NUP153: variants seen among roughly 807,000 people sequenced by gnomAD.
NUP153 encodes the protein nucleoporin 153, also known as nuclear pore complex protein Nup153.
NUP153 carries 27 observed loss-of-function variants against 134.6 expected under a neutral mutation model. The ratio of observed to expected loss-of-function variants is 0.20; its 90% CI spans 0.15 to 0.28. The LOEUF is 0.28. Among genes scored for constraint, NUP153 ranks in the 10% least tolerant of loss-of-function variants. The pLI is 1.00. For missense variants in NUP153, 1,821 were observed against 1,731.3 expected, an observed-to-expected ratio of 1.05 and a Z score of -0.92; for synonymous variants, 640 against 623.5, an observed-to-expected ratio of 1.03 and a Z score of -0.40.
In NUP153 at chr6:17,706,273, A is replaced by G; in HGVS notation, c.111+4T>C. ...CAGGCCACCGCGGCGTCGGGGTCCC[A>G]TACCTGATGCTGTTGTCGCCCCTGC... On this transcript the variant is annotated splice_donor_region_variant and intron_variant, in intron 1 of 21. Coordinates refer to ENST00000262077, the MANE Select transcript of NUP153 (RefSeq NM_005124.4). This position sits in a 1 kb window ranked among gnomAD's most constrained non-coding sequence, Gnocchi z 5.9. 2 of 1,610,262 alleles carry G rather than the reference A, an allele frequency of 1.2e-6. No homozygotes were observed. Among genetic ancestry groups the G allele is most frequent in the Non-Finnish European group, 8.5e-7 (1 of 1,176,834 alleles).
chr6:17,623,997 C>T (rs555782671), intron 20 of NUP153, among the ~76,000 whole-genome samples: 317 of 152,150 alleles, frequency 2.1e-3, no homozygotes, highest in South Asian at 5.0e-3. Context: ...TTACACTGTT[C>T]ACTTATATTT....
At chr6:17,646,917 T>C (rs945354247) in intron 13 of NUP153, among the ~76,000 whole-genome samples, 11 of 99,332 alleles carry the variant, frequency 1.1e-4, no homozygotes, top group Non-Finnish European at 1.7e-4. Context: ...TTCTGTATTT[T>C]CTTTTTTTTT....
chr6:17,661,748 C>G lies in NUP153; in HGVS notation c.1300G>C (p.Ala434Pro). 1.2e-6 allele frequency: 2 copies of G among 1,612,450 alleles called. No individual in the cohort carries two copies. Among genetic ancestry groups the G allele is most frequent in the Non-Finnish European group, 1.7e-6 (2 of 1,179,544 alleles). The change falls in exon 11 of 22, where the codon GCA (alanine) becomes CCA (proline). Residue 434 changes from alanine to proline, a missense_variant. By Grantham distance (27) the Ala-to-Pro change is conservative (BLOSUM62 -1). Coordinates refer to ENST00000262077, the MANE Select transcript of NUP153 (RefSeq NM_005124.4). ...ACTCCAGAAGATAAACCATTGGCTGCAGGCAAACTGAAATTTGGATATGAA... is the reference window on the plus strand; with the variant it reads ...ACTCCAGAAGATAAACCATTGGCTGGAGGCAAACTGAAATTTGGATATGAA... ...GFSYPNFSLPAANGLSSGVGG... is the reference protein window; with the variant it reads ...GFSYPNFSLPPANGLSSGVGG...
intron 11 of NUP153, among the ~76,000 whole-genome samples, chr6:17,659,713 C>T (rs768442132): frequency 1.1e-4 from 17 of 152,124 alleles, no homozygotes; most frequent in East Asian, 1.9e-4. Context: ...CCTCGTGATC[C>T]GCCCGCCTTG....
intron 2 of NUP153, among the ~76,000 whole-genome samples, chr6:17,684,071 G>A (rs1357151172): frequency 2.6e-5 from 4 of 152,080 alleles, no homozygotes; most frequent in Admixed American, 2.6e-4. Context: ...TGACTGATAT[G>A]CCTGCTCCCA....
chr6:17,644,789 A>C (rs1488471900), intron 14 of NUP153, among the ~76,000 whole-genome samples: 1 of 152,064 alleles, frequency 6.6e-6, no homozygotes, highest in Admixed American at 6.6e-5. Flanking sequence ...CTAAAAATAC[A>C]AAAAATTAGC....
intron 1 of NUP153, among the ~76,000 whole-genome samples, chr6:17,703,982 T>C (rs939069911): frequency 2.6e-5 from 4 of 152,190 alleles, no homozygotes; most frequent in African/African-American, 9.7e-5. Context: ...ATTTTTATTT[T>C]ATCTAAGTAC....
intron 1 of NUP153, among the ~76,000 whole-genome samples, chr6:17,704,655 G>GA (rs1311013302): frequency 1.3e-5 from 2 of 148,832 alleles, no homozygotes; most frequent in Non-Finnish European, 3.0e-5. Flanking sequence ...GAGAACGACT[G>GA]AAAATACCTG....
chr6:17,686,894 C>T (rs1418333985), intron 2 of NUP153, among the ~76,000 whole-genome samples: 30 of 940 alleles, frequency 0.032, 2 homozygotes, highest in Middle Eastern at 0.5. Flanking sequence ...GGGCGGGCGG[C>T]GGGGGAGGGG....
At position 17,661,832 on chromosome 6, in the gene NUP153, C is replaced by G. The variant is rs369756431; in HGVS notation, c.1269-53G>C. On this transcript the variant is annotated intron_variant, in intron 10 of 21. Transcript: ENST00000262077. ...ACTGATATATTATTGTGGTCCATAA[C>G]TTGTTAACTAGAACTGCTAACAAGT... 154 of 1,537,196 alleles carry G rather than the reference C, an allele frequency of 1.0e-4. No individual in the cohort carries two copies. In the African/African-American group the frequency reaches 2.0e-3, roughly 20 times the overall value.
intron 8 of NUP153, 103 bp from the exon 9 acceptor site, chr6:17,665,488 TC>T: frequency 1.1e-6 from 1 of 871,644 alleles, no homozygotes; most frequent in Non-Finnish European, 1.8e-6. Context: ...CATGAGTATT[TC>T]CCAGAGAAAT....
intron 1 of NUP153, among the ~76,000 whole-genome samples, chr6:17,697,902 T>A (rs1769768836): frequency 6.6e-6 from 1 of 152,230 alleles, no homozygotes; most frequent in Non-Finnish European, 1.5e-5. Context: ...ACCAGAGGCA[T>A]CTTTTCAGTA....
At chr6:17,621,176 C>A (rs773214724) in intron 20 of NUP153, among the ~76,000 whole-genome samples, 44 of 152,174 alleles carry the variant, frequency 2.9e-4, no homozygotes, top group South Asian at 1.9e-3. Context: ...TAGCATTTCA[C>A]CTCTTAGAAT....
At position 17,637,674 on chromosome 6, in the gene NUP153, C is replaced by A; in HGVS notation, c.1943G>T (p.Ser648Ile). 6.2e-7 allele frequency: 1 copy of A among 1,613,226 alleles called. No individual in the cohort carries two copies. Among genetic ancestry groups the A allele is most frequent in the Non-Finnish European group, 8.5e-7 (1 of 1,180,032 alleles). The change falls in exon 16 of 22, where the codon AGT becomes ATT. Residue 648 changes from serine (S) to isoleucine (I), a missense_variant. Physicochemically the swap from Ser to Ile is moderately radical, Grantham distance 142 (BLOSUM62 -2). Coordinates refer to ENST00000262077, the MANE Select transcript of NUP153 (RefSeq NM_005124.4). The stretch of plus-strand genomic sequence containing the variant: ...TAAACTCTCCCCAAACCCAATTCCA[C>A]TAGAAGAAAAGCTACTTATTGCTGG... ...TRPAISSFSS[S>I]GIGFGESLKA...
chr6:17,629,729 T>C (rs553507202), intron 17 of NUP153, among the ~76,000 whole-genome samples, 190 bp from the exon 18 acceptor site: 1 of 152,340 alleles, frequency 6.6e-6, no homozygotes, highest in East Asian at 1.9e-4. Context: ...GATATCTCAA[T>C]CCTCACAACT....
At chr6:17,660,537 C>A (rs1767114223) in intron 11 of NUP153, among the ~76,000 whole-genome samples, 1 of 151,518 alleles carries the variant, frequency 6.6e-6, no homozygotes, top group African/African-American at 2.4e-5. Flanking sequence ...AGAACTCTTT[C>A]TAATAATAAA....
chr6:17,671,276 C>CT (rs1237908164), intron 5 of NUP153, among the ~76,000 whole-genome samples: 1 of 151,956 alleles, frequency 6.6e-6, no homozygotes, highest in Non-Finnish European at 1.5e-5. Context: ...CTTCTAATGT[C>CT]TTTGTCTGAT....
At position 17,675,386 on chromosome 6, in the gene NUP153, A is replaced by G. The variant is rs760032451; in HGVS notation, c.584-18T>C. 3 of 1,610,264 alleles carry G rather than the reference A, an allele frequency of 1.9e-6. No individual in the cohort carries two copies. ...AGTTATATCTGAAACAAAATTACATAATCCATAGTAATAACACCAATACAA... is the reference window on the plus strand; with the variant it reads ...AGTTATATCTGAAACAAAATTACATGATCCATAGTAATAACACCAATACAA... On this transcript the variant is annotated intron_variant, in intron 3 of 21. Coordinates refer to ENST00000262077, the MANE Select transcript of NUP153 (RefSeq NM_005124.4). The surrounding 1 kb of genome is among the most constrained non-coding windows in gnomAD (Gnocchi z 4.4).
At chr6:17,655,471 T>A (rs992258501) in intron 11 of NUP153, among the ~76,000 whole-genome samples, 6 of 151,008 alleles carry the variant, frequency 4.0e-5, no homozygotes, top group Non-Finnish European at 8.9e-5. Context: ...TTTTTTTTTT[T>A]AAGACAAAGT....
Sources: gnomAD v4.1 joint callset for allele counts (sites outside exome capture counted in the v4.1 genomes callset) on GRCh38, gnomAD v4.1.1 for gene constraint, Gnocchi (gnomAD v3.1) non-coding constraint, MANE v1.5 for transcripts, NCBI Gene and HGNC (gene_info 2026-07-23, HGNC 2026-07-21) for gene names.